The following GRM5 variants were observed in gnomAD, a reference collection of about 807,000 sequenced individuals.
GRM5 encodes glutamate metabotropic receptor 5.
A neutral mutation model predicts 83.1 loss-of-function variants in GRM5; 19 were observed. The observed-to-expected ratio is 0.23, with a 90% confidence interval of 0.16 to 0.34. The LOEUF (loss-of-function observed/expected upper bound fraction) is 0.34, where lower values mean the gene tolerates loss of function less well. GRM5 is among the 10% of genes least tolerant of loss of function. The probability of loss-of-function intolerance (pLI) is 1.00; values close to 1 mark genes in which losing one functional copy is unlikely to be tolerated. For missense variants in GRM5, 1,160 were observed against 1,588.3 expected (o/e 0.73, Z 4.58); for synonymous variants, 675 against 633.6 (o/e 1.07, Z -0.98).
intron 3 of GRM5, among the ~76,000 whole-genome samples, chr11:88,773,694 T>C (rs1942787150): frequency 1.3e-5 from 2 of 152,216 alleles, no homozygotes; most frequent in Admixed American, 1.3e-4. Context: ...CCCAGCACCA[T>C]TTATTAAATA....
At chr11:88,669,311 C>G (rs1200496057) in intron 3 of GRM5, among the ~76,000 whole-genome samples, 1 of 152,014 alleles carries the variant, frequency 6.6e-6, no homozygotes, top group East Asian at 1.9e-4. Context: ...ACCTTGGCAA[C>G]CTAGCTAAAA....
intron 7 of GRM5, among the ~76,000 whole-genome samples, chr11:88,588,991 G>A (rs750445020): frequency 6.6e-6 from 1 of 152,104 alleles, no homozygotes; most frequent in Non-Finnish European, 1.5e-5. Flanking sequence ...GAAAGTGTGT[G>A]TTCATTCTCA....
chr11:88,984,359 T>C (rs1363736609), intron 2 of GRM5, among the ~76,000 whole-genome samples: 11 of 152,184 alleles, frequency 7.2e-5, no homozygotes, highest in Non-Finnish European at 1.6e-4. Flanking sequence ...TTGCCTATAG[T>C]TTTCACTACA....
chr11:88,942,454 C>A (rs1176122136), intron 2 of GRM5, among the ~76,000 whole-genome samples: 3 of 151,970 alleles, frequency 2.0e-5, no homozygotes, highest in African/African-American at 4.8e-5. Context: ...CATCCTAAAT[C>A]CCAGATAAGT....
rs1399127568 is a variant in GRM5 at position 88,508,620 on chromosome 11, T to C, written c.3611A>G (p.Asp1204Gly). The change falls in exon 10 of 10, where the codon GAT becomes GGT. Residue 1204 changes from aspartate (D) to glycine (G), a missense_variant. This residue lies in a region of GRM5 where 562 missense variants were observed against 532.4 expected (regional missense o/e 1.06). Transcript: ENST00000305447. This position sits in a 1 kb window ranked among gnomAD's most constrained non-coding sequence, Gnocchi z 4.2. ...CAACGACGAGGAGCTCTGAGTGTAA[T>C]CTCTTATGATAAGAGTGTCATATTT... ...SPKYDTLIIR[D>G]YTQSSSSL 1.2e-6 allele frequency: 2 copies of C among 1,609,888 alleles called. No homozygotes were observed. Among genetic ancestry groups the C allele is most frequent in the Non-Finnish European group, 1.7e-6 (2 of 1,178,228 alleles).
At chr11:88,988,144 C>A (rs7114508) in intron 2 of GRM5, among the ~76,000 whole-genome samples, 11,992 of 149,724 alleles carry the variant, frequency 0.08, 1,537 homozygotes, top group African/African-American at 0.28. Flanking sequence ...ACTAGAATAA[C>A]CAATACAGAG....
chr11:88,582,496 G>A (rs545481903), intron 7 of GRM5, among the ~76,000 whole-genome samples: 3 of 152,258 alleles, frequency 2.0e-5, no homozygotes, highest in Admixed American at 6.5e-5. Flanking sequence ...CAGCTGTATA[G>A]CATATGCTCC....
chr11:89,018,282 A>C (rs998829715), intron 2 of GRM5, among the ~76,000 whole-genome samples: 1 of 152,096 alleles, frequency 6.6e-6, no homozygotes, highest in African/African-American at 2.4e-5. Context: ...TCCAACCCCC[A>C]GAATAGAGCC....
intron 2 of GRM5, among the ~76,000 whole-genome samples, chr11:88,933,091 T>C (rs1170808400): frequency 2.0e-5 from 3 of 151,752 alleles, no homozygotes; most frequent in African/African-American, 7.2e-5. Context: ...GTAATTTACA[T>C]TTAAACTTTA....
chr11:88,883,552 G>A (rs1944994981), intron 2 of GRM5, among the ~76,000 whole-genome samples: 1 of 152,148 alleles, frequency 6.6e-6, no homozygotes, highest in South Asian at 2.1e-4. Context: ...TGATGATGCA[G>A]TAGGAAAGAA....
intron 2 of GRM5, among the ~76,000 whole-genome samples, chr11:88,986,767 C>A (rs1939729977): frequency 7.5e-6 from 1 of 133,116 alleles, no homozygotes; most frequent in Non-Finnish European, 1.6e-5. Flanking sequence ...GTATCATATC[C>A]TCCCCCAAAA....
intron 4 of GRM5, among the ~76,000 whole-genome samples, chr11:88,631,425 C>T (rs1208166713): frequency 1.3e-5 from 2 of 152,074 alleles, no homozygotes; most frequent in African/African-American, 4.8e-5. Flanking sequence ...CCACAACAAC[C>T]TAAATGCAAA....
chr11:88,833,252 T>G (rs570033585), intron 3 of GRM5, among the ~76,000 whole-genome samples: 40 of 151,950 alleles, frequency 2.6e-4, no homozygotes, highest in African/African-American at 9.2e-4. Flanking sequence ...TACAAGGAAC[T>G]TAACAGCTTA....
chr11:88,978,001 G>T (rs1939395904), intron 2 of GRM5, among the ~76,000 whole-genome samples: 1 of 152,232 alleles, frequency 6.6e-6, no homozygotes, highest in East Asian at 1.9e-4. Flanking sequence ...ACATCCTTAA[G>T]TATATCATCT....
At chr11:88,804,472 T>C (rs2135490224) in intron 3 of GRM5, among the ~76,000 whole-genome samples, 1 of 150,992 alleles carries the variant, frequency 6.6e-6, no homozygotes, top group South Asian at 2.1e-4. Flanking sequence ...CACTCATAGG[T>C]TGGAATTGAA....
Position 88,567,129 on chromosome 11 carries a change from A to T in GRM5, c.2554T>A (p.Ser852Thr), listed in dbSNP as rs959645008. The change falls in exon 8 of 10, where the codon TCA becomes ACA. Residue 852 changes from serine to threonine, a missense_variant. Transcript: ENST00000305447. This position sits in a 1 kb window ranked among gnomAD's most constrained non-coding sequence, Gnocchi z 7.3. The part of the protein sequence containing the change: ...VVRMHVGDGK[S>T]SSAASRSSSL... ...CTGGATCTGCTGGCTGCGGAGGATG[A>T]CTTGCCATCCCCTACATGCATGCGC... is the stretch of plus-strand genomic sequence containing the variant. The T allele has an allele frequency of 6.2e-7, 1 of 1,613,924 alleles. No individual in the cohort carries two copies. The highest frequency in any genetic ancestry group is 8.5e-7 in the Non-Finnish European group (1 of 1,179,830).
intron 2 of GRM5, among the ~76,000 whole-genome samples, chr11:88,859,347 C>T (rs1377260750): frequency 3.3e-5 from 5 of 151,900 alleles, no homozygotes; most frequent in Admixed American, 2.6e-4. Flanking sequence ...AAGTACTTAG[C>T]CCAGAGCATG....
intron 3 of GRM5, among the ~76,000 whole-genome samples, chr11:88,665,251 C>T (rs1457988644): frequency 6.6e-6 from 1 of 150,652 alleles, no homozygotes; most frequent in Non-Finnish European, 1.5e-5. Flanking sequence ...TAGAGAACTG[C>T]CTTAAACCAT....
At chr11:88,673,654 T>C (rs933252168) in intron 3 of GRM5, among the ~76,000 whole-genome samples, 2 of 151,846 alleles carry the variant, frequency 1.3e-5, no homozygotes, top group Admixed American at 6.6e-5. Context: ...CTGACAAAAT[T>C]TCTTTTCTAG....
Sources: allele counts gnomAD v4.1 joint callset (sites outside exome capture counted in the v4.1 genomes callset), GRCh38; gene constraint gnomAD v4.1.1; regional missense constraint gnomAD v4.1.1; non-coding constraint Gnocchi (gnomAD v3.1); transcripts MANE v1.5; gene names NCBI Gene and HGNC (gene_info 2026-07-23, HGNC 2026-07-21).